The following CCDC125 variants were observed in gnomAD, a reference collection of about 807,000 sequenced individuals.
CCDC125 encodes coiled-coil domain-containing protein 125.
Under a neutral mutation model 57.4 loss-of-function variants are expected in CCDC125, and 43 were observed. The observed-to-expected ratio is 0.75, with a 90% CI of 0.59 to 0.97. The LOEUF is 0.97. CCDC125 is among the 50% of genes least tolerant of loss of function. The probability of loss-of-function intolerance (pLI) is 0.00; values close to 1 mark genes in which losing one functional copy is unlikely to be tolerated. For synonymous variants in CCDC125, 187 were observed against 195.2 expected, an observed-to-expected ratio of 0.96 and a Z score of 0.35; for missense variants, 563 against 595.7, an observed-to-expected ratio of 0.95 and a Z score of 0.57.
At chr5:69,318,478 C>G (rs919768331) in intron 2 of CCDC125, among the ~76,000 whole-genome samples, 1 of 150,814 alleles carries the variant, frequency 6.6e-6, no homozygotes, top group Non-Finnish European at 1.5e-5. Flanking sequence ...CACGGTGGCT[C>G]ATGCCTGTAA....
Position 69,289,510 on chromosome 5 carries a change from G to T in CCDC125, c.1099+2678C>A, listed in dbSNP as rs188823156. Among the ~76,000 whole-genome samples the T allele has an allele frequency of 5.8e-4, 89 of 152,260 alleles. 2 individuals carry two copies. In the Middle Eastern group the frequency reaches 0.01, roughly 17 times the overall value. Reference sequence around the variant, plus strand: ...TTAAAGTTGTACCTTCAGCTTTTATGAAGAGTTTATTATAGAAAATGACCA... The same window carrying T: ...TTAAAGTTGTACCTTCAGCTTTTATTAAGAGTTTATTATAGAAAATGACCA... On this transcript the variant is annotated intron_variant, in intron 10 of 11. Transcript: ENST00000396496.
chr5:69,283,388 T>A (rs1339393625), intron 11 of CCDC125, among the ~76,000 whole-genome samples: 2 of 151,460 alleles, frequency 1.3e-5, no homozygotes, highest in African/African-American at 2.4e-5. Context: ...CCCAGCTAAT[T>A]TTTTGCATTT....
downstream of CCDC125, chr5:69,277,093 T>C: frequency 6.3e-7 from 1 of 1,587,126 alleles, no homozygotes; most frequent in South Asian, 1.2e-5. Context: ...TTTCTTGTTC[T>C]TTTTGCTTCC....
downstream of CCDC125, among the ~76,000 whole-genome samples, chr5:69,278,671 A>C (rs1752318756): frequency 6.7e-6 from 1 of 149,892 alleles, no homozygotes; most frequent in Non-Finnish European, 1.5e-5. Flanking sequence ...TGGGTCTCAA[A>C]ATTGTATATA....
At chr5:69,324,326 C>T (rs1186707896) in intron 1 of CCDC125, among the ~76,000 whole-genome samples, 2 of 152,234 alleles carry the variant, frequency 1.3e-5, no homozygotes, top group African/African-American at 4.8e-5. Context: ...CCTCACCGCA[C>T]TGACAATTCC....
At chr5:69,296,772 T>C (rs1009417572) in intron 8 of CCDC125, among the ~76,000 whole-genome samples, 4 of 151,910 alleles carry the variant, frequency 2.6e-5, no homozygotes, top group Non-Finnish European at 4.4e-5. Flanking sequence ...GAGACCAGCC[T>C]AACCAACATG....
chr5:69,294,047 TG>T, intron 9 of CCDC125: 1 of 595,836 alleles, frequency 1.7e-6, no homozygotes, highest in Non-Finnish European at 2.1e-6. Context: ...TAGTAAATGG[TG>T]GAGCAAAGAT....
rs532330898 is a variant in CCDC125 at position 69,282,571 on chromosome 5, A to G, written c.*158T>C. Reference sequence around the variant, plus strand: ...GCAAGACTCCATCTCAAAAGAAGAAAAAGAAAATGTAGAAAATATTTGATT... The same window carrying G: ...GCAAGACTCCATCTCAAAAGAAGAAGAAGAAAATGTAGAAAATATTTGATT... On this transcript the variant is annotated 3_prime_UTR_variant, in exon 12 of 12. Coordinates refer to ENST00000396496, the MANE Select transcript of CCDC125 (RefSeq NM_176816.5). The G allele has an allele frequency of 9.6e-6, 6 of 625,378 alleles. No individual in the cohort carries two copies. The highest frequency in any genetic ancestry group is 4.4e-4 in the Middle Eastern group (1 of 2,276). 38.7% of individuals were successfully genotyped at this position (625,378 alleles called of 1,614,324 possible).
At chr5:69,275,700 G>A (rs751984820), downstream of CCDC125, among the ~76,000 whole-genome samples, 10 of 152,080 alleles carry the variant, frequency 6.6e-5, no homozygotes, top group East Asian at 3.9e-4. Context: ...TCAGCCAGGC[G>A]CGGTGGCTCA....
chr5:69,327,480 A>C (rs1318744080), intron 1 of CCDC125, among the ~76,000 whole-genome samples: 1 of 152,202 alleles, frequency 6.6e-6, no homozygotes, highest in East Asian at 1.9e-4. Flanking sequence ...ATTACTTCCA[A>C]GAAAGTGAAA....
At position 69,282,875 on chromosome 5, in the gene CCDC125, A is replaced by C. The variant is rs754490812; in HGVS notation, c.1390T>G (p.Phe464Val). Reference protein sequence around the residue: ...FNNPWRKTSEFSVLGDPIHSS... With the variant: ...FNNPWRKTSEVSVLGDPIHSS... ...TGTATAGGATCACCCAAAACAGAGA[A>C]TTCTGAAGTCTTACGCCAGGGGTTG... The change falls in exon 12 of 12, where the codon TTC becomes GTC. Residue 464 changes from phenylalanine to valine, a missense_variant. Physicochemically the swap from Phe to Val is conservative, Grantham distance 50. Coordinates refer to ENST00000396496, the MANE Select transcript of CCDC125 (RefSeq NM_176816.5). The C allele has an allele frequency of 2.5e-6, 4 of 1,614,172 alleles. No homozygotes were observed. The East Asian group carries it at 8.9e-5, about 36-fold the overall frequency.
intron 1 of CCDC125, among the ~76,000 whole-genome samples, chr5:69,324,248 A>C (rs1760450383): frequency 6.6e-6 from 1 of 152,236 alleles, no homozygotes; most frequent in Non-Finnish European, 1.5e-5. Flanking sequence ...AAGAAGATAC[A>C]TGGATGGAAA....
intron 4 of CCDC125, chr5:69,310,917 T>C (rs540264286): frequency 3.0e-6 from 1 of 336,750 alleles, no homozygotes; most frequent in African/African-American, 2.2e-5. Context: ...GGTACAACTC[T>C]TATATCTAGT....
intron 3 of CCDC125, among the ~76,000 whole-genome samples, chr5:69,311,825 A>G (rs1758208034): frequency 6.6e-6 from 1 of 151,644 alleles, no homozygotes. Flanking sequence ...CCTCTGCCTC[A>G]CAGGCTCAAG....
chr5:69,282,722 C>T lies in CCDC125; in HGVS notation c.*7G>A, dbSNP rs1369440553. On this transcript the variant is annotated 3_prime_UTR_variant, in exon 12 of 12. Transcript: ENST00000396496. ...AACTCTCAGTTCCAATTTCAACTGG[C>T]TTGTCTTTAAAATATGATACTTGAT... 3 of 1,565,286 alleles carry T rather than the reference C, an allele frequency of 1.9e-6. No individual in the cohort carries two copies. Among genetic ancestry groups the T allele is most frequent in the African/African-American group, 1.4e-5 (1 of 72,700 alleles).
chr5:69,314,267 C>T (rs1419132105), intron 2 of CCDC125, among the ~76,000 whole-genome samples: 1 of 151,992 alleles, frequency 6.6e-6, no homozygotes, highest in Non-Finnish European at 1.5e-5. Context: ...GAGTTCAAGG[C>T]CAGCCTGGCC....
intron 2 of CCDC125, among the ~76,000 whole-genome samples, chr5:69,315,835 C>A (rs1453501287): frequency 6.7e-6 from 1 of 149,182 alleles, no homozygotes; most frequent in Non-Finnish European, 1.5e-5. Context: ...CTAGAAGAGT[C>A]CTGTAACTTC....
chr5:69,277,260 T>C, downstream of CCDC125: 1 of 535,144 alleles, frequency 1.9e-6, no homozygotes, highest in Non-Finnish European at 3.3e-6. Flanking sequence ...ATGTAAAATA[T>C]GTAAAACTAT....
chr5:69,297,396 G>C (rs1028008814), intron 8 of CCDC125, among the ~76,000 whole-genome samples: 2 of 151,600 alleles, frequency 1.3e-5, no homozygotes, highest in East Asian at 2.0e-4. Context: ...TTTTGCTCTC[G>C]TTGCCCAGGC....
Sources: gnomAD v4.1 joint callset for allele counts (sites outside exome capture counted in the v4.1 genomes callset) on GRCh38, gnomAD v4.1.1 for gene constraint, MANE v1.5 for transcripts, NCBI Gene and HGNC (gene_info 2026-07-23, HGNC 2026-07-21) for gene names.